The following ADAMTS12 variants were observed in gnomAD, a reference collection of about 807,000 sequenced individuals.
ADAMTS12 encodes A disintegrin and metalloproteinase with thrombospondin motifs 12.
In ADAMTS12, 118 loss-of-function variants were observed where a neutral mutation model predicts 167.8. The ratio of observed to expected loss-of-function variants is 0.70; its 90% CI spans 0.61 to 0.82. ADAMTS12 has a LOEUF of 0.82. Among genes scored for constraint, ADAMTS12 ranks in the 40% least tolerant of loss-of-function variants. The pLI is 0.00. For missense variants in ADAMTS12, 1,916 were observed against 1,998.8 expected, an observed-to-expected ratio of 0.96 and a Z score of 0.79; for synonymous variants, 704 against 716.9, an observed-to-expected ratio of 0.98 and a Z score of 0.29.
At chr5:33,784,884 AAAAC>A (rs1746273337) in intron 2 of ADAMTS12, among the ~76,000 whole-genome samples, 1 of 152,128 alleles carries the variant, frequency 6.6e-6, no homozygotes. Context: ...GTTATAAAGA[AAAAC>A]AAAAGTTGCT....
chr5:33,536,793 T>G (rs1561108170), intron 22 of ADAMTS12, among the ~76,000 whole-genome samples: 1 of 152,244 alleles, frequency 6.6e-6, no homozygotes, highest in Non-Finnish European at 1.5e-5. Flanking sequence ...TTAAAAATGT[T>G]CTTTTACAAT....
intron 2 of ADAMTS12, among the ~76,000 whole-genome samples, chr5:33,803,150 A>T (rs2112475412): frequency 6.6e-6 from 1 of 152,350 alleles, no homozygotes; most frequent in South Asian, 2.1e-4. Context: ...AGATGAAGGC[A>T]GTGTGGGATT....
At chr5:33,779,209 G>A (rs866760116) in intron 2 of ADAMTS12, among the ~76,000 whole-genome samples, 40 of 134,696 alleles carry the variant, frequency 3.0e-4, no homozygotes, top group Non-Finnish European at 4.9e-4. Flanking sequence ...TTTTTGAGAC[G>A]AAGTCTTGCT....
chr5:33,853,155 G>A (rs890243146), intron 2 of ADAMTS12, among the ~76,000 whole-genome samples: 1 of 152,122 alleles, frequency 6.6e-6, no homozygotes, highest in Non-Finnish European at 1.5e-5. Flanking sequence ...CACCACCTTG[G>A]AAAACTCCAC....
chr5:33,885,660 A>T (rs944425677), intron 1 of ADAMTS12, among the ~76,000 whole-genome samples: 1 of 152,202 alleles, frequency 6.6e-6, no homozygotes, highest in Admixed American at 6.5e-5. Flanking sequence ...TCTGACAATG[A>T]TCACTCCCGA....
At chr5:33,560,506 G>A (rs1014770459) in intron 20 of ADAMTS12, among the ~76,000 whole-genome samples, 4 of 152,110 alleles carry the variant, frequency 2.6e-5, no homozygotes, top group Non-Finnish European at 4.4e-5. Flanking sequence ...ACAAAGCAAA[G>A]ACTTGGAACC....
At chr5:33,844,849 C>T (rs1272696628) in intron 2 of ADAMTS12, among the ~76,000 whole-genome samples, 1 of 152,186 alleles carries the variant, frequency 6.6e-6, no homozygotes, top group Admixed American at 6.6e-5. Context: ...GGACGCCCAG[C>T]TTTAAAATCT....
At chr5:33,772,851 C>G (rs1745795598) in intron 2 of ADAMTS12, among the ~76,000 whole-genome samples, 1 of 152,182 alleles carries the variant, frequency 6.6e-6, no homozygotes, top group South Asian at 2.1e-4. Context: ...CTTCTAGACA[C>G]AGGAATGAAT....
chr5:33,882,275 G>A (rs770436975), intron 1 of ADAMTS12, among the ~76,000 whole-genome samples: 1 of 152,198 alleles, frequency 6.6e-6, no homozygotes, highest in Non-Finnish European at 1.5e-5. Context: ...GCATAAGAGT[G>A]TTCCATAATG....
At chr5:33,723,342 C>A (rs191276941) in intron 3 of ADAMTS12, among the ~76,000 whole-genome samples, 1 of 152,180 alleles carries the variant, frequency 6.6e-6, no homozygotes, top group African/African-American at 2.4e-5. Context: ...CATTTTAATC[C>A]TGTGTATCTC....
intron 2 of ADAMTS12, among the ~76,000 whole-genome samples, chr5:33,826,177 T>A (rs879598598): frequency 6.6e-6 from 1 of 152,166 alleles, no homozygotes; most frequent in East Asian, 1.9e-4. Flanking sequence ...AGTCAAGAAA[T>A]AAATTGTTTT....
intron 2 of ADAMTS12, among the ~76,000 whole-genome samples, chr5:33,875,108 T>G (rs1046409836): frequency 6.6e-6 from 1 of 152,210 alleles, no homozygotes; most frequent in South Asian, 2.1e-4. Flanking sequence ...TATTGTATGC[T>G]TTACAACTAT....
intron 2 of ADAMTS12, chr5:33,840,053 A>G (rs567449669): frequency 6.6e-6 from 1 of 152,324 alleles, no homozygotes; most frequent in South Asian, 2.1e-4. Context: ...CCATTCACTG[A>G]CTTTCCTTGA....
intron 2 of ADAMTS12, among the ~76,000 whole-genome samples, chr5:33,829,434 T>C (rs921710568): frequency 5.9e-5 from 9 of 152,210 alleles, no homozygotes; most frequent in African/African-American, 2.2e-4. Context: ...TCACTACTCT[T>C]CTTTCCATCC....
At chr5:33,621,396 T>C (rs1579759266) in intron 14 of ADAMTS12, among the ~76,000 whole-genome samples, 1 of 104,818 alleles carries the variant, frequency 9.5e-6, no homozygotes, top group Admixed American at 1.1e-4. Context: ...CAAGACTCCA[T>C]CTCAAAAAAA....
At chr5:33,598,929 G>A (rs1379909235) in intron 16 of ADAMTS12, among the ~76,000 whole-genome samples, 3 of 152,186 alleles carry the variant, frequency 2.0e-5, no homozygotes, top group Admixed American at 6.5e-5. Context: ...TTCATCTGCT[G>A]CATCTGTGTC....
At chr5:33,862,672 A>G (rs1239778392) in intron 2 of ADAMTS12, among the ~76,000 whole-genome samples, 1 of 152,216 alleles carries the variant, frequency 6.6e-6, no homozygotes, top group Admixed American at 6.5e-5. Context: ...AAAAAGAGGG[A>G]ATCCTCCCTA....
intron 3 of ADAMTS12, among the ~76,000 whole-genome samples, chr5:33,695,959 C>T (rs1053193352): frequency 2.0e-5 from 3 of 152,088 alleles, no homozygotes; most frequent in Non-Finnish European, 2.9e-5. Context: ...ACAGATTCAC[C>T]CAATTTCCTG....
intron 3 of ADAMTS12, among the ~76,000 whole-genome samples, chr5:33,718,927 A>G (rs12519012): frequency 0.63 from 95,868 of 152,018 alleles, 31,176 homozygotes; most frequent in Non-Finnish European, 0.71. Flanking sequence ...ATTCTACACT[A>G]TGTTGTGTTA....
Sources: allele counts gnomAD v4.1 joint callset (sites outside exome capture counted in the v4.1 genomes callset), GRCh38; gene constraint gnomAD v4.1.1; transcripts MANE v1.5; gene names NCBI Gene and HGNC (gene_info 2026-07-23, HGNC 2026-07-21).